The following TTLL11 variants were observed in gnomAD, a reference collection of about 807,000 sequenced individuals.
TTLL11 encodes the protein tubulin tyrosine ligase like 11.
In TTLL11, 42 loss-of-function variants were observed where a neutral mutation model predicts 51.7. The ratio of observed to expected loss-of-function variants is 0.81; its 90% confidence interval spans 0.64 to 1.05. The LOEUF (loss-of-function observed/expected upper bound fraction) is 1.05, where lower values mean the gene tolerates loss of function less well. TTLL11 is among the 50% of genes least tolerant of loss of function. The pLI is 0.00. For synonymous variants in TTLL11, 381 were observed against 383.5 expected (o/e 0.99, Z 0.08); for missense variants, 799 against 940.4 (o/e 0.85, Z 1.97).
intron 8 of TTLL11, among the ~76,000 whole-genome samples, chr9:121,856,415 G>A (rs1837820556): frequency 6.6e-6 from 1 of 152,160 alleles, no homozygotes. Flanking sequence ...TCACCTCTTT[G>A]AGGCTCAGGT....
intron 3 of TTLL11, among the ~76,000 whole-genome samples, chr9:122,011,412 TATA>T (rs1209532285): frequency 6.6e-6 from 1 of 152,198 alleles, no homozygotes; most frequent in Admixed American, 6.5e-5. Flanking sequence ...AAAAAAAGTA[TATA>T]ATGTATTCAC....
intron 6 of TTLL11, among the ~76,000 whole-genome samples, chr9:121,895,411 T>A (rs1269364672): frequency 6.6e-6 from 1 of 151,946 alleles, no homozygotes; most frequent in Admixed American, 6.6e-5. Flanking sequence ...TGACTGTGTG[T>A]GCATGAGTGT....
chr9:122,073,362 A>G (rs1845777752), intron 1 of TTLL11, among the ~76,000 whole-genome samples: 1 of 152,162 alleles, frequency 6.6e-6, no homozygotes, highest in Non-Finnish European at 1.5e-5. Context: ...GTGAGCCAAG[A>G]TTGCACCACT....
intron 6 of TTLL11, among the ~76,000 whole-genome samples, chr9:121,970,314 C>T (rs1473648455): frequency 1.3e-5 from 2 of 152,160 alleles, no homozygotes; most frequent in African/African-American, 4.8e-5. Context: ...ACATAGAATG[C>T]AGCTCCTATG....
intron 6 of TTLL11, among the ~76,000 whole-genome samples, chr9:121,947,253 T>C (rs1205224228): frequency 6.6e-6 from 1 of 152,118 alleles, no homozygotes; most frequent in East Asian, 1.9e-4. Context: ...ACCATGGAAA[T>C]AGACAAACAC....
chr9:121,935,260 T>C (rs975070851), intron 6 of TTLL11, among the ~76,000 whole-genome samples: 10 of 152,134 alleles, frequency 6.6e-5, no homozygotes, highest in African/African-American at 1.2e-4. Context: ...CCCGGTCTCC[T>C]GTCTTAAGTA....
intron 3 of TTLL11, among the ~76,000 whole-genome samples, chr9:121,990,415 A>G (rs1432228238): frequency 6.6e-6 from 1 of 152,222 alleles, no homozygotes; most frequent in African/African-American, 2.4e-5. Context: ...AGGACCTAGA[A>G]CCTGAGAAAT....
intron 4 of TTLL11, among the ~76,000 whole-genome samples, chr9:121,978,389 C>A (rs1310595657): frequency 6.6e-6 from 1 of 152,052 alleles, no homozygotes; most frequent in Admixed American, 6.5e-5. Context: ...AGAGGCCAAC[C>A]AGATCAGATC....
At chr9:122,069,577 G>A (rs1451538175) in intron 1 of TTLL11, among the ~76,000 whole-genome samples, 5 of 152,188 alleles carry the variant, frequency 3.3e-5, no homozygotes, top group Non-Finnish European at 7.3e-5. Flanking sequence ...ACCTACTCAG[G>A]AAGCTGAGGC....
chr9:122,073,662 C>T (rs1422827348), intron 1 of TTLL11, among the ~76,000 whole-genome samples: 1 of 152,142 alleles, frequency 6.6e-6, no homozygotes, highest in East Asian at 1.9e-4. Context: ...GATAGAAACA[C>T]CTCACCAATC....
chr9:122,044,931 AAAC>A (rs1844958770), intron 1 of TTLL11, among the ~76,000 whole-genome samples: 1 of 151,740 alleles, frequency 6.6e-6, no homozygotes. Context: ...CCCATCTAAC[AAAC>A]AACAACAACA....
chr9:122,014,350 G>A (rs1441079331), intron 3 of TTLL11, among the ~76,000 whole-genome samples: 1 of 152,152 alleles, frequency 6.6e-6, no homozygotes. Flanking sequence ...GGGAGACACA[G>A]CAAGACTGTC....
intron 6 of TTLL11, among the ~76,000 whole-genome samples, chr9:121,899,369 A>G (rs202107635): frequency 2.4e-3 from 121 of 51,044 alleles, no homozygotes; most frequent in Middle Eastern, 0.012. Context: ...GTGTGTGTAT[A>G]TATATATACA....
chr9:122,007,804 G>A (rs1588200395), intron 3 of TTLL11, among the ~76,000 whole-genome samples: 2 of 152,152 alleles, frequency 1.3e-5, no homozygotes, highest in South Asian at 4.1e-4. Flanking sequence ...GGAGGCGGGG[G>A]AAAGTCTGAG....
chr9:122,016,482 TA>T (rs750559825), intron 3 of TTLL11, among the ~76,000 whole-genome samples: 57 of 152,338 alleles, frequency 3.7e-4, no homozygotes, highest in Non-Finnish European at 5.7e-4. Context: ...GGTTATTTGA[TA>T]AATGTGGAAT....
intron 4 of TTLL11, among the ~76,000 whole-genome samples, chr9:121,976,302 C>T (rs72765940): frequency 0.16 from 24,268 of 152,138 alleles, 2,080 homozygotes; most frequent in Middle Eastern, 0.23. Flanking sequence ...GCTCCTACAA[C>T]TGGGGCCAGC....
At chr9:121,862,372 A>T (rs1028272231) in intron 7 of TTLL11, among the ~76,000 whole-genome samples, 5 of 152,186 alleles carry the variant, frequency 3.3e-5, no homozygotes, top group African/African-American at 1.2e-4. Flanking sequence ...ATACCTGCCC[A>T]CATGGTTGTG....
chr9:121,856,587 T>C (rs1041206712), intron 8 of TTLL11, among the ~76,000 whole-genome samples: 2 of 150,982 alleles, frequency 1.3e-5, no homozygotes, highest in Non-Finnish European at 3.0e-5. Flanking sequence ...ACCTAATTTA[T>C]CTTTATATCC....
In TTLL11 at chr9:121,826,217, T is replaced by TACACACAC. The variant is rs1491163835; in HGVS notation, c.1841-3339_1841-3338insGTGTGTGT. ...ATATATATATATATATATATATATA[T>TACACACAC]GCACACATATATATATACACGCACA... On this transcript the variant is annotated intron_variant, in intron 8 of 8. Coordinates refer to ENST00000321582, the MANE Select transcript of TTLL11 (RefSeq NM_001139442.2). 6.0e-3 allele frequency among the ~76,000 whole-genome samples: 348 copies of TACACACAC among 58,100 alleles called. 32 individuals are homozygous for TACACACAC. Among genetic ancestry groups the TACACACAC allele is most frequent in the African/African-American group, 0.021 (286 of 13,472 alleles). 38.1% of individuals were successfully genotyped at this position (58,100 alleles called of 152,430 possible). A position where few individuals can be genotyped will look rare whatever the true frequency, so the allele number is the denominator to read the frequency against.
Sources: gnomAD v4.1 joint callset for allele counts (sites outside exome capture counted in the v4.1 genomes callset) on GRCh38, gnomAD v4.1.1 for gene constraint, MANE v1.5 for transcripts, NCBI Gene and HGNC (gene_info 2026-07-23, HGNC 2026-07-21) for gene names.